Variants in FCSK observed in about 807,000 individuals in gnomAD.
FCSK encodes L-fucose kinase.
A neutral mutation model predicts 122.5 loss-of-function variants in FCSK; 123 were observed. The ratio of observed to expected loss-of-function variants is 1.00; its 90% confidence interval spans 0.87 to 1.17. The LOEUF is 1.17. FCSK is among the 50% of genes most tolerant of loss of function. FCSK has a pLI of 0.00. For synonymous variants in FCSK, 620 were observed against 625.5 expected, an observed-to-expected ratio of 0.99 and a Z score of 0.13; for missense variants, 1,366 against 1,450.4, an observed-to-expected ratio of 0.94 and a Z score of 0.95.
intron 1 of FCSK, among the ~76,000 whole-genome samples, chr16:70,455,273 C>A (rs1027657983): frequency 1.3e-5 from 2 of 152,178 alleles, no homozygotes. Context: ...CAGCGTGGGG[C>A]TGAGGACACT....
intron 13 of FCSK, 121 bp from the exon 14 acceptor site, chr16:70,472,420 G>A: frequency 1.4e-6 from 1 of 733,596 alleles, no homozygotes; most frequent in East Asian, 2.9e-5. Flanking sequence ...GGTCAAGTAT[G>A]TTCTTTGTCT....
chr16:70,467,779 G>A (rs1371713453), intron 7 of FCSK, 107 bp from the exon 8 acceptor site: 21 of 927,004 alleles, frequency 2.3e-5, no homozygotes, highest in African/African-American at 3.2e-5. Context: ...CCAGCCTTGC[G>A]TCCTCAGCTT....
Position 70,471,284 on chromosome 16 carries a change from C to T in FCSK, c.1273C>T (p.His425Tyr), listed in dbSNP as rs2048608843. 1 of 1,607,806 alleles carries T rather than the reference C, an allele frequency of 6.2e-7. No individual in the cohort carries two copies. The highest frequency in any genetic ancestry group is 8.5e-7 in the Non-Finnish European group (1 of 1,177,946). ...GCTGCGTGACCTTGTCCTGCAGGGA[C>T]ACCACACGCGGCTACACGGCTCCCC... ...RELRDLVLQG[H>Y]HTRLHGSPGH... The change falls in exon 13 of 24, where the codon CAC becomes TAC. Residue 425 changes from histidine (H) to tyrosine (Y), a missense_variant. By Grantham distance (83) the His-to-Tyr change is moderately conservative. Coordinates refer to ENST00000288078, the MANE Select transcript of FCSK (RefSeq NM_145059.3).
rs572200846 is a variant in FCSK, at chr16:70,476,467, C to T, written c.2641+700C>T. On this transcript the variant is annotated intron_variant, in intron 20 of 23. Transcript: ENST00000288078. ...TGATCACCTGTGCCCCCGCCCCCAC[C>T]CCCTGGCCATATGGTGGGACAGCAA... The T allele has an allele frequency of 1.3e-3, 192 of 152,430 alleles. 1 individual carries two copies. Among genetic ancestry groups the T allele is most frequent in the South Asian group, 6.0e-3 (29 of 4,830 alleles). The allele number at this position is 152,430 out of a possible 1,614,324, so 9.4% of individuals were successfully genotyped here.
chr16:70,479,690 C>T lies in FCSK; in HGVS notation c.*10C>T, dbSNP rs775595210. 2.5e-6 allele frequency: 4 copies of T among 1,610,336 alleles called. No individual in the cohort carries two copies. Among genetic ancestry groups the T allele is most frequent in the South Asian group, 2.2e-5 (2 of 90,904 alleles). On this transcript the variant is annotated 3_prime_UTR_variant, in exon 24 of 24. Transcript: ENST00000288078. ...TTGCCCTTTCCCATGAAGCTGGCTT[C>T]TCTCTGCAACAGGAGAAAACCTGGA...
At chr16:70,466,785 CCTTGTTA>C in intron 5 of FCSK, 90 bp from the exon 6 acceptor site, 1 of 1,092,950 alleles carries the variant, frequency 9.1e-7, no homozygotes, top group Non-Finnish European at 1.3e-6. Flanking sequence ...TCTTGGAGGC[CCTTGTTA>C]CTTCAACAGC....
At chr16:70,469,415 G>A (rs2151715983) in intron 10 of FCSK, 92 bp downstream of exon 10, 1 of 1,270,972 alleles carries the variant, frequency 7.9e-7, no homozygotes, top group Non-Finnish European at 1.1e-6. Flanking sequence ...GGGCCAGGCA[G>A]CCCAGCACAG....
At chr16:70,459,911 C>T (rs2048210174) in intron 1 of FCSK, among the ~76,000 whole-genome samples, 1 of 151,076 alleles carries the variant, frequency 6.6e-6, no homozygotes, top group African/African-American at 2.4e-5. Context: ...AAGTGATTCT[C>T]CTGTCTCAGC....
chr16:70,475,670 C>A lies in FCSK; in HGVS notation c.2544C>A (p.Gly848=). The A allele has an allele frequency of 6.2e-7, 1 of 1,601,524 alleles. No individual in the cohort carries two copies. Among genetic ancestry groups the A allele is most frequent in the Middle Eastern group, 1.7e-4 (1 of 5,822 alleles). ...SGLGTSSILA[G]TALAALQRAA... is the part of the protein sequence containing the mutation. ...CAGGCACCAGCAGCATCCTGGCAGG[C>A]ACTGCCCTGGCTGCCTTGCAGCGAG... Residue 848 remains glycine (G), a synonymous_variant, in exon 20 of 24, where the codon GGC becomes GGA. Transcript: ENST00000288078.
rs1297250634 is a variant in FCSK, at chr16:70,479,864, C to T, written c.*184C>T. 3 of 562,370 alleles carry T rather than the reference C, an allele frequency of 5.3e-6. No homozygotes were observed. Among genetic ancestry groups the T allele is most frequent in the Non-Finnish European group, 6.3e-6 (2 of 315,628 alleles). The allele number at this position is 562,370 out of a possible 1,614,324, so 34.8% of individuals were successfully genotyped here. Reference sequence around the variant, plus strand: ...TGGGACAGGACTGTGACCTGGTGGACAGGGGCCTAGATGTAGCCTCTGTTC... The same window carrying T: ...TGGGACAGGACTGTGACCTGGTGGATAGGGGCCTAGATGTAGCCTCTGTTC... On this transcript the variant is annotated 3_prime_UTR_variant, in exon 24 of 24. Coordinates refer to ENST00000288078, the MANE Select transcript of FCSK (RefSeq NM_145059.3).
chr16:70,455,742 A>C (rs1331632924), intron 1 of FCSK, among the ~76,000 whole-genome samples: 1 of 151,930 alleles, frequency 6.6e-6, no homozygotes, highest in African/African-American at 2.4e-5. Context: ...TAATACAAAA[A>C]TTAGCTGGGC....
chr16:70,467,079 G>C, intron 6 of FCSK, 125 bp downstream of exon 6: 1 of 913,072 alleles, frequency 1.1e-6, no homozygotes, highest in South Asian at 1.4e-5. Flanking sequence ...GAAGCTGGAG[G>C]GTGTGGAGAA....
intron 7 of FCSK, 79 bp downstream of exon 7, chr16:70,467,550 C>A: frequency 1.8e-6 from 2 of 1,097,414 alleles, no homozygotes; most frequent in Non-Finnish European, 2.7e-6. Context: ...TGTCAGTGGG[C>A]AGCCTCTCAT....
rs1338799216 is a variant in FCSK, at chr16:70,455,807, A to G, written c.-23+1177A>G. 1.0e-4 allele frequency among the ~76,000 whole-genome samples: 15 copies of G among 150,460 alleles called. No individual in the cohort carries two copies. The Middle Eastern group carries it at 0.011, about 107-fold the overall frequency. On this transcript the variant is annotated intron_variant, in intron 1 of 23. Transcript: ENST00000288078. ...CTTGGGAGGCTGAGGCAGGAGAATC[A>G]CTTTAACCTGGGAGGCGGAGATTGC...
chr16:70,474,226 G>T lies in FCSK; in HGVS notation c.1875G>T (p.Arg625=). The T allele has an allele frequency of 1.2e-6, 2 of 1,600,204 alleles. No homozygotes were observed. Among genetic ancestry groups the T allele is most frequent in the East Asian group, 2.3e-5 (1 of 44,184 alleles). Residue 625 remains arginine (R), a synonymous_variant, in exon 16 of 24, where the codon CGG becomes CGT. Coordinates refer to ENST00000288078, the MANE Select transcript of FCSK (RefSeq NM_145059.3). ...GCMAEGRGGL[R]SGPAANPEWM... Reference sequence around the variant, plus strand: ...TGGCAGAGGGCCGTGGGGGCTTGCGGAGCGGGCCAGCTGCCAACCCTGAGT... The same window carrying T: ...TGGCAGAGGGCCGTGGGGGCTTGCGTAGCGGGCCAGCTGCCAACCCTGAGT...
chr16:70,471,088 G>T lies in FCSK; in HGVS notation c.1170+16G>T. ...CCACCTGCAGGTGAGGCCTGAGCGT[G>T]TGGGCAGATTGGGGCGAGGGTGCTG... On this transcript the variant is annotated intron_variant, in intron 12 of 23. Transcript: ENST00000288078. The T allele has an allele frequency of 6.3e-7, 1 of 1,595,854 alleles. No homozygotes were observed.
intron 18 of FCSK, 84 bp downstream of exon 18, chr16:70,475,095 C>G: frequency 7.5e-7 from 1 of 1,328,936 alleles, no homozygotes; most frequent in Non-Finnish European, 1.0e-6. Flanking sequence ...CCAGTGGGGT[C>G]TGGCCTGAGG....
At chr16:70,475,078 C>A in intron 18 of FCSK, 67 bp downstream of exon 18, 1 of 1,432,350 alleles carries the variant, frequency 7.0e-7, no homozygotes. Flanking sequence ...AAGCTAGAGA[C>A]TGCAGGCCAG....
chr16:70,472,885 TCTGTC>T (rs1471397974), intron 14 of FCSK, 93 bp from the exon 15 acceptor site: 2 of 1,415,018 alleles, frequency 1.4e-6, no homozygotes, highest in Non-Finnish European at 1.9e-6. Context: ...CTCGGAGGAG[TCTGTC>T]CTGTCCCCAT....
Sources: allele counts gnomAD v4.1 joint callset (sites outside exome capture counted in the v4.1 genomes callset), GRCh38; gene constraint gnomAD v4.1.1; transcripts MANE v1.5; gene names NCBI Gene and HGNC (gene_info 2026-07-23, HGNC 2026-07-21).